PCTP: variants seen among roughly 807,000 people sequenced by gnomAD.
PCTP encodes the protein START domain-containing protein 2.
PCTP carries 27 observed loss-of-function variants against 31.0 expected under a neutral mutation model. That is an observed-to-expected ratio of 0.87 (90% CI 0.64 to 1.20). The LOEUF (loss-of-function observed/expected upper bound fraction) is 1.20. PCTP is among the 50% of genes most tolerant of loss of function. The pLI, the probability that PCTP is intolerant of heterozygous loss-of-function variation, is 0.00. For missense variants in PCTP, 287 were observed against 268.2 expected (o/e 1.07, Z -0.49); for synonymous variants, 108 against 101.2 (o/e 1.07, Z -0.40).
At chr17:55,849,041 T>C in the PCTP span, among the ~76,000 whole-genome samples, 5 of 152,084 alleles carry the variant, frequency 3.3e-5, no homozygotes, top group Admixed American at 1.3e-4. Context: ...ATAATATCTA[T>C]CATCAAAAAA....
At chr17:55,848,922 A>T in the PCTP span, among the ~76,000 whole-genome samples, 22 of 152,346 alleles carry the variant, frequency 1.4e-4, no homozygotes, top group South Asian at 3.3e-3. Flanking sequence ...AAAACAGTTC[A>T]TGCTTACTGG....
exon 4 of PCTP, chr17:55,822,999 GA>G: frequency 2.5e-6 from 1 of 403,414 alleles, no homozygotes; most frequent in Non-Finnish European, 4.2e-6. Context: ...TATTTTCGCA[GA>G]TGTGAAATTC....
intron 1 of PCTP, among the ~76,000 whole-genome samples, chr17:55,755,190 G>A (rs1281662865): frequency 1.3e-5 from 2 of 152,084 alleles, no homozygotes; most frequent in South Asian, 2.1e-4. Context: ...TATGGGCGTC[G>A]GTTGGACTGA....
chr17:55,775,378 C>T (rs1911272429), intron 5 of PCTP: 25 of 1,232,090 alleles, frequency 2.0e-5, no homozygotes, highest in Non-Finnish European at 2.3e-5. Context: ...TGGGGACCAT[C>T]AGCCTGCTTT....
rs757740226 is a variant in PCTP, at chr17:55,775,853, A to G, written c.580-182A>G. 433 of 1,342,542 alleles carry G rather than the reference A, an allele frequency of 3.2e-4. 1 individual carries two copies. The highest frequency in any genetic ancestry group is 3.9e-4 in the Non-Finnish European group (407 of 1,049,220). The allele number at this position is 1,342,542 out of a possible 1,614,324, so 83.2% of individuals were successfully genotyped here. Reference sequence around the variant, plus strand: ...ACAGAAGTTCCTGTTGACTGGTCTTACTTTTGTCCTCAGTCCTACTTTTTG... The same window carrying G: ...ACAGAAGTTCCTGTTGACTGGTCTTGCTTTTGTCCTCAGTCCTACTTTTTG... On this transcript the variant is annotated intron_variant, in intron 5 of 5. Transcript: ENST00000268896.
chr17:55,755,911 C>G (rs1909992489), intron 1 of PCTP, among the ~76,000 whole-genome samples: 1 of 152,184 alleles, frequency 6.6e-6, no homozygotes, highest in South Asian at 2.1e-4. Context: ...GACCTCATAA[C>G]TAATAACTAA....
chr17:55,772,292 G>T (rs1281738425), intron 3 of PCTP, among the ~76,000 whole-genome samples: 1 of 152,166 alleles, frequency 6.6e-6, no homozygotes, highest in Non-Finnish European at 1.5e-5. Context: ...GCGCTGTCAA[G>T]ACACTGAGGT....
At chr17:55,832,105 A>G (rs372594002) in intron 5 of PCTP, among the ~76,000 whole-genome samples, 1 of 152,090 alleles carries the variant, frequency 6.6e-6, no homozygotes, top group African/African-American at 2.4e-5. Flanking sequence ...ACAACAACAA[A>G]AAACAAAAAC....
At chr17:55,752,425 C>T (rs1416804700) in intron 1 of PCTP, among the ~76,000 whole-genome samples, 11 of 152,146 alleles carry the variant, frequency 7.2e-5, no homozygotes, top group Non-Finnish European at 7.4e-5. Context: ...CTCTACAATG[C>T]ACAGGACAGT....
intron 5 of PCTP, among the ~76,000 whole-genome samples, chr17:55,828,945 A>G (rs1363740362): frequency 3.3e-5 from 5 of 152,180 alleles, no homozygotes; most frequent in Non-Finnish European, 7.4e-5. Context: ...GCTTCTTCCC[A>G]GTCCCCCCTA....
chr17:55,811,930 C>T (rs9890113), intron 3 of PCTP, among the ~76,000 whole-genome samples: 7,256 of 152,234 alleles, frequency 0.048, 552 homozygotes, highest in African/African-American at 0.16. Context: ...TGACCCAAAC[C>T]TGAGTCCTGA....
rs768015815 is a variant in PCTP at position 55,773,816 on chromosome 17, C to T, written c.432C>T (p.Gly144=). The stretch of plus-strand genomic sequence containing the variant: ...GGAGCACCTCCATGCCTCAGCTTGG[C>T]GAGAGGTCTGGGGTGATCCGGGTGA... ...LARSTSMPQL[G]ERSGVIRVKQ... is the part of the protein sequence containing the mutation. Residue 144 remains glycine (G), a synonymous_variant, in exon 4 of 6, where the codon GGC becomes GGT. Transcript: ENST00000268896. 33 of 1,613,518 alleles carry T rather than the reference C, an allele frequency of 2.0e-5. No homozygotes were observed. Among genetic ancestry groups the T allele is most frequent in the African/African-American group, 4.0e-5 (3 of 74,842 alleles).
chr17:55,777,936 G>GA (rs1163874126), downstream of PCTP, among the ~76,000 whole-genome samples: 1 of 152,162 alleles, frequency 6.6e-6, no homozygotes, highest in Non-Finnish European at 1.5e-5. Context: ...AAAGCACTGA[G>GA]ATTATAGTCA....
chr17:55,826,786 T>G (rs1905412359), downstream of PCTP, among the ~76,000 whole-genome samples: 1 of 152,220 alleles, frequency 6.6e-6, no homozygotes, highest in Admixed American at 6.5e-5. Context: ...TCACATGCTC[T>G]TTCTTCTTTC....
chr17:55,778,261 G>T (rs567244621), downstream of PCTP, among the ~76,000 whole-genome samples: 64 of 151,768 alleles, frequency 4.2e-4, no homozygotes, highest in South Asian at 0.011. Context: ...TACTTAGAGG[G>T]ACTTGCACCT....
intron 3 of PCTP, among the ~76,000 whole-genome samples, chr17:55,796,865 T>C (rs2145016589): frequency 6.6e-6 from 1 of 152,038 alleles, no homozygotes; most frequent in Non-Finnish European, 1.5e-5. Flanking sequence ...TTACACATAA[T>C]GAGTGTAAAA....
intron 3 of PCTP, among the ~76,000 whole-genome samples, chr17:55,809,090 A>G (rs1159368554): frequency 2.0e-5 from 3 of 152,262 alleles, no homozygotes; most frequent in Non-Finnish European, 4.4e-5. Flanking sequence ...GCCAAAGACT[A>G]TGAAGTAATG....
At chr17:55,832,149 T>C (rs1386214958) in intron 5 of PCTP, among the ~76,000 whole-genome samples, 1 of 152,172 alleles carries the variant, frequency 6.6e-6, no homozygotes, top group Non-Finnish European at 1.5e-5. Flanking sequence ...TTTCTGTCTC[T>C]CCTTTCTGCA....
At chr17:55,760,585 C>A (rs888421991) in intron 1 of PCTP, among the ~76,000 whole-genome samples, 1 of 152,226 alleles carries the variant, frequency 6.6e-6, no homozygotes, top group African/African-American at 2.4e-5. Context: ...ATTTATGAGA[C>A]AGCACTTTGG....
Sources: gnomAD v4.1 joint callset for allele counts (sites outside exome capture counted in the v4.1 genomes callset) on GRCh38, gnomAD v4.1.1 for gene constraint, MANE v1.5 for transcripts, NCBI Gene and HGNC (gene_info 2026-07-23, HGNC 2026-07-21) for gene names.